The following PPARGC1A variants were observed in gnomAD, a reference collection of about 807,000 sequenced individuals.
The protein encoded by PPARGC1A is peroxisome proliferator-activated receptor gamma coactivator 1-alpha.
PPARGC1A carries 25 observed loss-of-function variants against 88.7 expected under a neutral mutation model. That is an observed-to-expected ratio of 0.28 (90% CI 0.21 to 0.39). The LOEUF is 0.39. Ranked by LOEUF, PPARGC1A falls within the 10% of genes least tolerant of loss-of-function variation. The pLI, the probability that PPARGC1A is intolerant of heterozygous loss-of-function variation, is 1.00. For missense variants in PPARGC1A, 880 were observed against 968.7 expected, an observed-to-expected ratio of 0.91 and a Z score of 1.22; for synonymous variants, 363 against 355.6, an observed-to-expected ratio of 1.02 and a Z score of -0.24.
chr4:24,054,467 A>G, the PPARGC1A span, among the ~76,000 whole-genome samples: 1 of 152,208 alleles, frequency 6.6e-6, no homozygotes, highest in African/African-American at 2.4e-5. Context: ...ATGCTTATGC[A>G]TGTCCATTTA....
the PPARGC1A span, among the ~76,000 whole-genome samples, chr4:24,229,270 T>C: frequency 6.7e-6 from 1 of 150,062 alleles, no homozygotes; most frequent in Non-Finnish European, 1.5e-5. Context: ...TCTTCTGCCT[T>C]AGCCTCCTGA....
At chr4:24,464,380 G>C in the PPARGC1A span, among the ~76,000 whole-genome samples, 2 of 152,130 alleles carry the variant, frequency 1.3e-5, no homozygotes, top group African/African-American at 2.4e-5. Flanking sequence ...TCATTCAAAA[G>C]CTGTAACAGA....
chr4:24,097,835 A>G, the PPARGC1A span, among the ~76,000 whole-genome samples: 1 of 152,140 alleles, frequency 6.6e-6, no homozygotes, highest in African/African-American at 2.4e-5. Flanking sequence ...CCTGAACTGC[A>G]GTGACACCCA....
chr4:23,895,609 A>C (rs1274307611), intron 1 of PPARGC1A, among the ~76,000 whole-genome samples: 3 of 152,110 alleles, frequency 2.0e-5, no homozygotes, highest in Admixed American at 6.6e-5. Context: ...ACTTTTGAGA[A>C]AACATCCTTA....
chr4:24,431,093 C>G, the PPARGC1A span, among the ~76,000 whole-genome samples: 1 of 139,484 alleles, frequency 7.2e-6, no homozygotes, highest in African/African-American at 2.7e-5. Flanking sequence ...CCGCTGCACT[C>G]CAGCCTGGGA....
intron 2 of PPARGC1A, among the ~76,000 whole-genome samples, chr4:23,836,172 A>C (rs971147699): frequency 1.3e-5 from 2 of 152,238 alleles, no homozygotes; most frequent in Admixed American, 1.3e-4. Context: ...GAAAATGCAG[A>C]GTAGGGAGGA....
chr4:24,330,273 C>A, the PPARGC1A span, among the ~76,000 whole-genome samples: 1 of 152,160 alleles, frequency 6.6e-6, no homozygotes, highest in East Asian at 1.9e-4. Flanking sequence ...TCATGTCATG[C>A]CTTTTCCAGT....
chr4:24,382,508 GA>G, the PPARGC1A span, among the ~76,000 whole-genome samples: 1 of 152,026 alleles, frequency 6.6e-6, no homozygotes. Flanking sequence ...TGCTACGTAA[GA>G]AAAAAAGAAT....
At chr4:23,841,861 A>G (rs1375389396) in intron 2 of PPARGC1A, among the ~76,000 whole-genome samples, 1 of 151,992 alleles carries the variant, frequency 6.6e-6, no homozygotes, top group South Asian at 2.1e-4. Context: ...ATAGCAGCTG[A>G]TCTTTACTAT....
At chr4:24,108,809 G>A in the PPARGC1A span, among the ~76,000 whole-genome samples, 1 of 152,198 alleles carries the variant, frequency 6.6e-6, no homozygotes, top group East Asian at 1.9e-4. Flanking sequence ...ATTTCTGGGA[G>A]CACATACAGC....
At chr4:24,405,580 C>T in the PPARGC1A span, among the ~76,000 whole-genome samples, 10 of 152,156 alleles carry the variant, frequency 6.6e-5, no homozygotes, top group East Asian at 1.9e-4. Flanking sequence ...TGGTGCTCCA[C>T]GCCTGTGAAT....
intron 2 of PPARGC1A, among the ~76,000 whole-genome samples, chr4:23,842,416 T>C (rs1727212135): frequency 6.6e-6 from 1 of 152,110 alleles, no homozygotes; most frequent in South Asian, 2.1e-4. Flanking sequence ...TTTCAACAAG[T>C]CCAACTCTAT....
chr4:23,986,794 T>C, the PPARGC1A span, among the ~76,000 whole-genome samples: 2 of 152,064 alleles, frequency 1.3e-5, no homozygotes, highest in African/African-American at 4.8e-5. Flanking sequence ...CTCTCTGGAG[T>C]ATATTATTCA....
At chr4:24,424,513 T>G in the PPARGC1A span, among the ~76,000 whole-genome samples, 9 of 152,076 alleles carry the variant, frequency 5.9e-5, no homozygotes, top group Non-Finnish European at 1.5e-5. Context: ...CTGACCTCAT[T>G]ATCCTCCCAC....
At chr4:23,897,112 A>G (rs1718688018) in intron 1 of PPARGC1A, among the ~76,000 whole-genome samples, 1 of 152,234 alleles carries the variant, frequency 6.6e-6, no homozygotes, top group South Asian at 2.1e-4. Flanking sequence ...TATTCATAGG[A>G]ATGAAAGCTT....
chr4:24,183,103 G>C, the PPARGC1A span, among the ~76,000 whole-genome samples: 7 of 152,128 alleles, frequency 4.6e-5, no homozygotes, highest in African/African-American at 1.7e-4. Flanking sequence ...GGACCAGATG[G>C]AAATAAGGAA....
At chr4:24,109,019 C>CACACCA in the PPARGC1A span, among the ~76,000 whole-genome samples, 27 of 140,738 alleles carry the variant, frequency 1.9e-4, no homozygotes, top group African/African-American at 6.8e-4. Flanking sequence ...CACACACACA[C>CACACCA]CACACACACA....
At chr4:23,897,998 T>A (rs976110574) in intron 1 of PPARGC1A, among the ~76,000 whole-genome samples, 1 of 152,154 alleles carries the variant, frequency 6.6e-6, no homozygotes, top group Non-Finnish European at 1.5e-5. Flanking sequence ...AGAGAGAAGA[T>A]TTAGAAAGAA....
At chr4:24,035,294 C>A in the PPARGC1A span, among the ~76,000 whole-genome samples, 2 of 152,024 alleles carry the variant, frequency 1.3e-5, no homozygotes, top group Non-Finnish European at 2.9e-5. Context: ...AATCCCAGCA[C>A]TTTGGGAGGC....
Sources: gnomAD v4.1 joint callset for allele counts (sites outside exome capture counted in the v4.1 genomes callset) on GRCh38, gnomAD v4.1.1 for gene constraint, MANE v1.5 for transcripts, NCBI Gene and HGNC (gene_info 2026-07-23, HGNC 2026-07-21) for gene names.